Variants in CHST9 observed in about 807,000 individuals in gnomAD.
CHST9 encodes the protein GalNAc-4-sulfotransferase 2.
CHST9 carries 41 observed loss-of-function variants against 44.4 expected under a neutral mutation model. The observed-to-expected ratio is 0.92, with a 90% CI of 0.72 to 1.20. The LOEUF (loss-of-function observed/expected upper bound fraction) is 1.20, where lower values mean the gene tolerates loss of function less well. CHST9 is among the 50% of genes most tolerant of loss of function. CHST9 has a pLI of 0.00. For missense variants in CHST9, 504 were observed against 516.5 expected (o/e 0.98, Z 0.23); for synonymous variants, 171 against 178.4 (o/e 0.96, Z 0.33).
intron 2 of CHST9, among the ~76,000 whole-genome samples, chr18:27,126,363 C>T (rs934024948): frequency 1.3e-5 from 2 of 152,276 alleles, no homozygotes; most frequent in Non-Finnish European, 2.9e-5. Flanking sequence ...TCCCCCAGTG[C>T]CGCCATCACA....
chr18:27,017,305 CA>C (rs1053799580), intron 4 of CHST9, among the ~76,000 whole-genome samples: 1 of 152,070 alleles, frequency 6.6e-6, no homozygotes, highest in Admixed American at 6.5e-5. Flanking sequence ...CAGATCTGTG[CA>C]AAAATGTCCA....
At chr18:27,016,803 T>C (rs1441559791) in intron 4 of CHST9, among the ~76,000 whole-genome samples, 2 of 152,232 alleles carry the variant, frequency 1.3e-5, no homozygotes, top group Non-Finnish European at 1.5e-5. Context: ...AGTATGCACA[T>C]ATGATATTAA....
chr18:26,994,277 A>T (rs1444670979), intron 4 of CHST9, among the ~76,000 whole-genome samples: 1 of 152,174 alleles, frequency 6.6e-6, no homozygotes, highest in Non-Finnish European at 1.5e-5. Context: ...TAATGCTAGA[A>T]ATGTGTTTTT....
intron 2 of CHST9, among the ~76,000 whole-genome samples, chr18:27,086,945 TA>T (rs898294598): frequency 9.9e-5 from 15 of 151,136 alleles, no homozygotes; most frequent in African/African-American, 4.8e-5. Context: ...TTTAATTTTC[TA>T]AAAAAAAATA....
At chr18:27,110,822 G>C (rs2058264824) in intron 2 of CHST9, among the ~76,000 whole-genome samples, 1 of 152,234 alleles carries the variant, frequency 6.6e-6, no homozygotes, top group South Asian at 2.1e-4. Flanking sequence ...TAGTGGTTCT[G>C]AAAGTGTGGT....
chr18:27,054,703 G>A (rs1490895701), intron 2 of CHST9, among the ~76,000 whole-genome samples: 1 of 152,058 alleles, frequency 6.6e-6, no homozygotes, highest in Non-Finnish European at 1.5e-5. Context: ...TAAAACCACA[G>A]GCACATAAAT....
At chr18:26,960,763 T>C (rs1476342575) in intron 4 of CHST9, among the ~76,000 whole-genome samples, 1 of 152,226 alleles carries the variant, frequency 6.6e-6, no homozygotes, top group Admixed American at 6.5e-5. Context: ...CTCTGACTCC[T>C]GGGCTTCAGC....
chr18:27,164,740 T>A (rs751676561), intron 1 of CHST9, among the ~76,000 whole-genome samples: 13 of 152,078 alleles, frequency 8.5e-5, no homozygotes, highest in Non-Finnish European at 1.9e-4. Flanking sequence ...ACAGATCACA[T>A]GAGGAGGATC....
intron 4 of CHST9, among the ~76,000 whole-genome samples, chr18:27,003,268 C>T (rs1015874639): frequency 3.9e-5 from 6 of 152,014 alleles, no homozygotes; most frequent in African/African-American, 9.7e-5. Context: ...TAGACTTTCC[C>T]ATGACCACAT....
chr18:27,163,107 A>C (rs1441479184), intron 1 of CHST9, among the ~76,000 whole-genome samples: 2 of 152,200 alleles, frequency 1.3e-5, no homozygotes, highest in Non-Finnish European at 2.9e-5. Context: ...GGGTATCAGC[A>C]GTGGAGGCTG....
rs2057162012 is a variant in CHST9 at position 27,016,929 on chromosome 18, A to G, written c.202+7187T>C. 3.9e-5 allele frequency among the ~76,000 whole-genome samples: 6 copies of G among 152,236 alleles called. No individual in the cohort carries two copies. In the South Asian group the frequency reaches 1.2e-3, roughly 32 times the overall value. ...CTCACTGCAAAGGTGAGGATAAAGA[A>G]CAGAAATCATATGTTCTGCCTCCCT... On this transcript the variant is annotated intron_variant, in intron 4 of 5. Coordinates refer to ENST00000618847, the MANE Select transcript of CHST9 (RefSeq NM_031422.6).
intron 5 of CHST9, chr18:26,933,001 C>T (rs1023147989): frequency 6.5e-6 from 1 of 153,780 alleles, no homozygotes; most frequent in Non-Finnish European, 1.5e-5. Flanking sequence ...AGGCACTTTT[C>T]TCTTCAGCGT....
intron 2 of CHST9, among the ~76,000 whole-genome samples, chr18:27,093,983 A>C (rs2058093548): frequency 6.6e-6 from 1 of 152,180 alleles, no homozygotes; most frequent in Admixed American, 6.5e-5. Flanking sequence ...CTTCATGTTA[A>C]GTCAGAATCA....
intron 1 of CHST9, among the ~76,000 whole-genome samples, chr18:27,145,133 G>A (rs192873830): frequency 6.6e-6 from 1 of 152,172 alleles, no homozygotes; most frequent in East Asian, 1.9e-4. Context: ...AAGTTCTTAT[G>A]CAAAATGAGA....
At chr18:27,168,428 CAAA>C (rs1472270629) in intron 1 of CHST9, among the ~76,000 whole-genome samples, 2 of 152,094 alleles carry the variant, frequency 1.3e-5, no homozygotes, top group African/African-American at 4.8e-5. Context: ...CACTGAGAGA[CAAA>C]GAAGCTAATT....
At chr18:27,173,426 G>A (rs940111138) in intron 1 of CHST9, among the ~76,000 whole-genome samples, 85 of 151,944 alleles carry the variant, frequency 5.6e-4, no homozygotes, top group Admixed American at 1.4e-3. Flanking sequence ...TTGTTTTGTA[G>A]GCGAGCACCA....
rs138794390 is a variant in CHST9, at chr18:26,916,982, T to C, written c.609A>G (p.Val203=). The C allele has an allele frequency of 3.1e-3, 5,039 of 1,613,922 alleles. 39 individuals are homozygous for C. Among genetic ancestry groups the C allele is most frequent in the South Asian group, 0.01 (918 of 91,068 alleles). ...SHHQSHLFHT[V]SRIYVEDKHK... is the part of the protein sequence containing the mutation. ...GTTTATCTTCTACATAGATTCTGGA[T>C]ACTGTATGAAAAAGATGTGACTGAT... is the stretch of plus-strand genomic sequence containing the variant. Residue 203 remains valine, a synonymous_variant, in exon 6 of 6, where the codon GTA becomes GTG. Transcript: ENST00000618847.
Position 27,145,201 on chromosome 18 carries a change from TA to T in CHST9, c.-96-2297del, listed in dbSNP as rs561144711. On this transcript the variant is annotated intron_variant, in intron 1 of 5. Transcript: ENST00000618847. ...TTGTTTGTTTGTTTGTTTTGTTTAT[TA>T]TTTTTTTGTGGTGGAGTTTCACTCT... Among the ~76,000 whole-genome samples the T allele has an allele frequency of 2.3e-3, 348 of 152,318 alleles. 1 individual carries two copies. Among genetic ancestry groups the T allele is most frequent in the Non-Finnish European group, 3.9e-3 (262 of 68,022 alleles).
intron 2 of CHST9, among the ~76,000 whole-genome samples, chr18:27,049,472 C>T (rs990442306): frequency 1.3e-5 from 2 of 152,020 alleles, no homozygotes; most frequent in Admixed American, 6.6e-5. Flanking sequence ...CTAATATATA[C>T]GCATCTGACA....
Sources: allele counts gnomAD v4.1 joint callset (sites outside exome capture counted in the v4.1 genomes callset), GRCh38; gene constraint gnomAD v4.1.1; transcripts MANE v1.5; gene names NCBI Gene and HGNC (gene_info 2026-07-23, HGNC 2026-07-21).